Variants in BIN3 observed in about 807,000 individuals in gnomAD.
BIN3 encodes the protein bridging integrator 3.
A neutral mutation model predicts 38.2 loss-of-function variants in BIN3; 41 were observed. The observed-to-expected ratio is 1.07, with a 90% CI of 0.84 to 1.39. BIN3 has a LOEUF of 1.39. BIN3 is among the 40% of genes most tolerant of loss of function. The pLI is 0.00. For synonymous variants in BIN3, 145 were observed against 122.6 expected (o/e 1.18, Z -1.21); for missense variants, 361 against 324.3 (o/e 1.11, Z -0.87).
chr8:22,624,413 G>T, intron 6 of BIN3, 50 bp from the exon 7 acceptor site: 2 of 1,589,340 alleles, frequency 1.3e-6, no homozygotes, highest in Non-Finnish European at 1.7e-6. Context: ...GGGGTGGCCT[G>T]GCTGGAGATG....
At chr8:22,621,758 A>G (rs1379685545) in intron 8 of BIN3, among the ~76,000 whole-genome samples, 190 bp from the exon 9 acceptor site, 1 of 152,236 alleles carries the variant, frequency 6.6e-6, no homozygotes, top group Non-Finnish European at 1.5e-5. Flanking sequence ...CCGGGGAGCA[A>G]CAGGGCCTCA....
At chr8:22,644,970 G>T in intron 1 of BIN3, 167 bp from the exon 2 acceptor site, 1 of 602,750 alleles carries the variant, frequency 1.7e-6, no homozygotes, top group Non-Finnish European at 3.0e-6. Flanking sequence ...TGGCATCTGG[G>T]CTTGGTTCTA....
intron 4 of BIN3, among the ~76,000 whole-genome samples, chr8:22,635,712 G>A (rs1390027963): frequency 6.6e-6 from 1 of 152,224 alleles, no homozygotes; most frequent in African/African-American, 2.4e-5. Flanking sequence ...TAAGTCAGCT[G>A]TCCAGAGCTG....
chr8:22,635,727 G>A (rs1307323331), intron 4 of BIN3, among the ~76,000 whole-genome samples: 1 of 152,218 alleles, frequency 6.6e-6, no homozygotes, highest in Non-Finnish European at 1.5e-5. Context: ...GAGCTGCGCA[G>A]GGAGTGCTGA....
intron 1 of BIN3, among the ~76,000 whole-genome samples, chr8:22,649,859 C>CACATACACACACA (rs1563973928): frequency 0.013 from 1,720 of 133,618 alleles, 29 homozygotes; most frequent in South Asian, 0.031. Flanking sequence ...ACACACACAC[C>CACATACACACACA]CCCAAAGGAA....
At chr8:22,637,521 A>G (rs1802410244) in intron 2 of BIN3, among the ~76,000 whole-genome samples, 2 of 152,202 alleles carry the variant, frequency 1.3e-5, no homozygotes, top group Non-Finnish European at 2.9e-5. Flanking sequence ...CACTGTGACT[A>G]CTGACTCAGG....
intron 4 of BIN3, among the ~76,000 whole-genome samples, chr8:22,635,775 C>T (rs1268757402): frequency 3.3e-5 from 5 of 152,142 alleles, no homozygotes; most frequent in Admixed American, 6.5e-5. Flanking sequence ...CTTGCTGCTC[C>T]GGGGTGGGAA....
At chr8:22,649,794 T>G (rs1283254256) in intron 1 of BIN3, among the ~76,000 whole-genome samples, 1 of 134,660 alleles carries the variant, frequency 7.4e-6, no homozygotes, top group East Asian at 2.1e-4. Flanking sequence ...CTGGAAGAGA[T>G]AGAAAAACGC....
Position 22,636,938 on chromosome 8 carries a change from A to G in BIN3, c.82T>C (p.Tyr28His), listed in dbSNP as rs747642896. 3.1e-6 allele frequency: 5 copies of G among 1,612,674 alleles called. No individual in the cohort carries two copies. In the South Asian group the frequency reaches 4.4e-5, roughly 14 times the overall value. ...KTVERDFEREYGKLQQLEEQT... is the reference protein window; with the variant it reads ...KTVERDFEREHGKLQQLEEQT... ...GACACTCACTGCTGAAGTTTTCCAT[A>G]CTCCCTTTCAAAGTCTCTCTCCACC... is the stretch of plus-strand genomic sequence containing the variant. Residue 28 changes from tyrosine to histidine, a missense_variant, in exon 3 of 9, where the codon TAT becomes CAT. Transcript: ENST00000276416.
intron 1 of BIN3, among the ~76,000 whole-genome samples, chr8:22,665,587 T>C (rs1416301968): frequency 6.6e-6 from 1 of 152,032 alleles, no homozygotes; most frequent in Non-Finnish European, 1.5e-5. Context: ...GCTGGCCTAG[T>C]GGACAGGGTG....
In BIN3 at chr8:22,621,229, T is replaced by A. The variant is rs1801793659; in HGVS notation, c.*193A>T. On this transcript the variant is annotated 3_prime_UTR_variant, in exon 9 of 9. Coordinates refer to ENST00000276416, the MANE Select transcript of BIN3 (RefSeq NM_018688.6). The stretch of plus-strand genomic sequence containing the variant: ...GTCTACACTGCTTACCTGCTGGGGC[T>A]GTGAGTGGGGAGACGGCGGCCTGCC... 1 of 673,294 alleles carries A rather than the reference T, an allele frequency of 1.5e-6. No individual in the cohort carries two copies. The highest frequency in any genetic ancestry group is 1.8e-5 in the African/African-American group (1 of 55,082). The allele number at this position is 673,294 out of a possible 1,614,324, so 41.7% of individuals were successfully genotyped here.
intron 4 of BIN3, among the ~76,000 whole-genome samples, chr8:22,633,555 T>C (rs1455636394): frequency 6.6e-6 from 1 of 152,236 alleles, no homozygotes; most frequent in Non-Finnish European, 1.5e-5. Context: ...GAAAGTAGTA[T>C]GAGTTTCTGA....
At chr8:22,640,185 CTTTTT>C (rs1335922913) in intron 2 of BIN3, among the ~76,000 whole-genome samples, 1 of 147,312 alleles carries the variant, frequency 6.8e-6, no homozygotes, top group Non-Finnish European at 1.5e-5. Flanking sequence ...CCTTCTTCTT[CTTTTT>C]TTTTTGAGAC....
At chr8:22,660,854 C>T (rs182197517) in intron 1 of BIN3, among the ~76,000 whole-genome samples, 6 of 152,150 alleles carry the variant, frequency 3.9e-5, no homozygotes, top group Admixed American at 2.6e-4. Flanking sequence ...CCCTGAGTAT[C>T]GCACCCTGAG....
intron 2 of BIN3, among the ~76,000 whole-genome samples, chr8:22,637,599 G>T (rs1802413308): frequency 6.6e-6 from 1 of 152,234 alleles, no homozygotes. Context: ...AACCAAATGG[G>T]TGAGTCCTGA....
chr8:22,647,108 T>A (rs1802738293), intron 1 of BIN3, among the ~76,000 whole-genome samples: 1 of 152,212 alleles, frequency 6.6e-6, no homozygotes, highest in South Asian at 2.1e-4. Flanking sequence ...ACAAAGGAGT[T>A]GGAATCCCTT....
At chr8:22,667,088 G>A (rs571338620) in intron 1 of BIN3, among the ~76,000 whole-genome samples, 6 of 152,334 alleles carry the variant, frequency 3.9e-5, no homozygotes, top group Admixed American at 3.3e-4. Flanking sequence ...AAGAGATGAC[G>A]TAGAAGCCCT....
intron 1 of BIN3, among the ~76,000 whole-genome samples, chr8:22,652,114 TAAC>T (rs915572344): frequency 3.9e-5 from 6 of 152,146 alleles, no homozygotes; most frequent in Non-Finnish European, 5.9e-5. Flanking sequence ...CTGAGGATCT[TAAC>T]AACAGCTTTA....
chr8:22,632,021 T>C (rs1342744193), intron 4 of BIN3, among the ~76,000 whole-genome samples: 1 of 152,214 alleles, frequency 6.6e-6, no homozygotes, highest in African/African-American at 2.4e-5. Flanking sequence ...AGAAGACACA[T>C]TGTGAATGCA....
Sources: allele counts gnomAD v4.1 joint callset (sites outside exome capture counted in the v4.1 genomes callset), GRCh38; gene constraint gnomAD v4.1.1; transcripts MANE v1.5; gene names NCBI Gene and HGNC (gene_info 2026-07-23, HGNC 2026-07-21).